AFF1: variants seen among roughly 807,000 people sequenced by gnomAD.
AFF1 encodes the protein ALF transcription elongation factor 1.
A neutral mutation model predicts 121.7 loss-of-function variants in AFF1; 48 were observed. That is an observed-to-expected ratio of 0.39 (90% CI 0.31 to 0.50). AFF1 has a LOEUF of 0.50. Ranked by LOEUF, AFF1 falls within the 20% of genes least tolerant of loss-of-function variation. AFF1 has a pLI of 0.76. For synonymous variants in AFF1, 613 were observed against 563.0 expected (o/e 1.09, Z -1.26); for missense variants, 1,523 against 1,511.7 (o/e 1.01, Z -0.12).
chr4:87,130,691 TCAG>T (rs1298463137), intron 16 of AFF1, among the ~76,000 whole-genome samples: 2 of 152,232 alleles, frequency 1.3e-5, no homozygotes, highest in Admixed American at 6.5e-5. Context: ...TTAATAAACT[TCAG>T]CACGCACAAA....
rs1729346745 is a variant in AFF1, at chr4:87,136,899, A to G, written c.*1198A>G. The G allele has an allele frequency of 9.0e-6, 2 of 221,258 alleles. No homozygotes were observed. The highest frequency in any genetic ancestry group is 1.2e-4 in the Admixed American group (2 of 17,362). The allele number at this position is 221,258 out of a possible 1,614,324, so 13.7% of individuals were successfully genotyped here. ...TTTGGGGTGGTTGATTAGACTTTTG[A>G]AAAACTCATCACCACATGCCTTCAC... On this transcript the variant is annotated 3_prime_UTR_variant, in exon 21 of 21. Transcript: ENST00000395146.
chr4:87,135,911 G>C lies in AFF1; in HGVS notation c.*210G>C, dbSNP rs1729264538. 1 of 730,124 alleles carries C rather than the reference G, an allele frequency of 1.4e-6. No homozygotes were observed. Among genetic ancestry groups the C allele is most frequent in the Non-Finnish European group, 2.0e-6 (1 of 509,302 alleles). The allele number at this position is 730,124 out of a possible 1,614,324, so 45.2% of individuals were successfully genotyped here. A position where few individuals can be genotyped will look rare whatever the true frequency, so the allele number is the denominator to read the frequency against. On this transcript the variant is annotated 3_prime_UTR_variant, in exon 21 of 21. Transcript: ENST00000395146. ...TGCAGAAGCAGAGATGAGGAGGCTG[G>C]CCCCAGAGATGATCTTGCCCTTCCT...
chr4:86,974,613 C>T (rs1355545475), intron 2 of AFF1, among the ~76,000 whole-genome samples: 1 of 152,124 alleles, frequency 6.6e-6, no homozygotes, highest in African/African-American at 2.4e-5. Flanking sequence ...AGGTATTAGA[C>T]AGGAAATGCC....
intron 15 of AFF1, among the ~76,000 whole-genome samples, chr4:87,127,368 G>A (rs1728385771): frequency 1.3e-5 from 2 of 151,942 alleles, no homozygotes; most frequent in Admixed American, 6.6e-5. Flanking sequence ...TCATCATGTT[G>A]GTCAGGCTGG....
chr4:87,089,723 A>G (rs1227410287), intron 5 of AFF1, among the ~76,000 whole-genome samples: 1 of 152,206 alleles, frequency 6.6e-6, no homozygotes, highest in African/African-American at 2.4e-5. Context: ...GATAATATTC[A>G]GGGTGTTAAA....
At chr4:87,040,365 A>G (rs1730009883) in intron 2 of AFF1, among the ~76,000 whole-genome samples, 1 of 152,096 alleles carries the variant, frequency 6.6e-6, no homozygotes, top group African/African-American at 2.4e-5. Flanking sequence ...TAAATTGTTG[A>G]TGTGTACCTT....
At chr4:87,116,978 T>C (rs1166810328) in intron 12 of AFF1, among the ~76,000 whole-genome samples, 1 of 152,154 alleles carries the variant, frequency 6.6e-6, no homozygotes, top group East Asian at 1.9e-4. Flanking sequence ...CTGGTAAATC[T>C]CTCACCTGTC....
At chr4:87,022,596 ATCTGTGTG>A (rs1309529055) in intron 2 of AFF1, among the ~76,000 whole-genome samples, 39 of 102,586 alleles carry the variant, frequency 3.8e-4, no homozygotes, top group East Asian at 9.5e-4. Context: ...ATCTATATCT[ATCTGTGTG>A]TATATATATC....
intron 2 of AFF1, among the ~76,000 whole-genome samples, chr4:87,031,860 A>T (rs1729119841): frequency 2.6e-5 from 4 of 152,238 alleles, no homozygotes; most frequent in Admixed American, 2.6e-4. Flanking sequence ...GACTCTAAAA[A>T]TTCTCAAGTG....
chr4:86,995,419 C>T (rs1560525608), intron 2 of AFF1, among the ~76,000 whole-genome samples: 1 of 150,714 alleles, frequency 6.6e-6, no homozygotes, highest in African/African-American at 2.4e-5. Flanking sequence ...CTGCCTGATT[C>T]TCCTGCCTCA....
chr4:87,093,559 A>G (rs1275182916), intron 7 of AFF1, among the ~76,000 whole-genome samples: 2 of 152,160 alleles, frequency 1.3e-5, no homozygotes, highest in Non-Finnish European at 2.9e-5. Flanking sequence ...TATGTCCACA[A>G]TTGCAAAACC....
At chr4:86,961,561 A>T (rs1222335246) in intron 2 of AFF1, among the ~76,000 whole-genome samples, 1 of 146,956 alleles carries the variant, frequency 6.8e-6, no homozygotes, top group Non-Finnish European at 1.5e-5. Context: ...ATTTCTTTGC[A>T]CTGGGGCATA....
chr4:87,127,220 G>A (rs1011966813), intron 15 of AFF1, 103 bp downstream of exon 15: 56 of 1,053,816 alleles, frequency 5.3e-5, no homozygotes, highest in African/African-American at 7.9e-5. Flanking sequence ...GAGTGTAGTG[G>A]CATGATCTTG....
Position 86,975,016 on chromosome 4 carries a change from C to A in AFF1, c.38+26445C>A, listed in dbSNP as rs141829039. On this transcript the variant is annotated intron_variant, in intron 2 of 20. Transcript: ENST00000395146. ...CTGCTTGAAAAACTCCCTAATAGAT[C>A]ATTATGCTCCCTAAAGAAAACTATT... Among the ~76,000 whole-genome samples, 38 of 152,276 alleles carry A rather than the reference C, an allele frequency of 2.5e-4. No homozygotes were observed. The East Asian group carries it at 6.9e-3, about 28-fold the overall frequency.
At chr4:86,952,887 A>T (rs1374607039) in intron 2 of AFF1, among the ~76,000 whole-genome samples, 1 of 144,252 alleles carries the variant, frequency 6.9e-6, no homozygotes, top group Non-Finnish European at 1.5e-5. Context: ...ATTTATTTTC[A>T]GTAGAGATGT....
At chr4:87,104,437 A>T (rs1725710766) in intron 8 of AFF1, among the ~76,000 whole-genome samples, 1 of 152,218 alleles carries the variant, frequency 6.6e-6, no homozygotes, top group African/African-American at 2.4e-5. Context: ...ATAAATATTG[A>T]GCAAGATCTA....
intron 2 of AFF1, among the ~76,000 whole-genome samples, chr4:87,036,030 C>T (rs893049086): frequency 3.3e-5 from 5 of 152,114 alleles, no homozygotes; most frequent in Non-Finnish European, 7.4e-5. Flanking sequence ...GATCCTAGTA[C>T]AGACCAGAAG....
chr4:87,046,841 T>A lies in AFF1; in HGVS notation c.306T>A (p.Ile102=). The change falls in exon 4 of 21, where the codon ATT becomes ATA. Residue 102 remains isoleucine, a synonymous_variant. Transcript: ENST00000395146. ...TGGGAAAGCCGAAATATCCTTTAAT[T>A]CCTGACAAAGGGAGCAGCATTCCAT... ...NRLGKPKYPL[I]PDKGSSIPSS... 3 of 1,614,194 alleles carry A rather than the reference T, an allele frequency of 1.9e-6. No homozygotes were observed. The highest frequency in any genetic ancestry group is 2.5e-6 in the Non-Finnish European group (3 of 1,180,038).
chr4:87,016,369 T>C (rs1237579553), intron 2 of AFF1, among the ~76,000 whole-genome samples: 1 of 151,686 alleles, frequency 6.6e-6, no homozygotes. Flanking sequence ...ACTAACACAG[T>C]GAAACCCCGT....
Sources: allele counts gnomAD v4.1 joint callset (sites outside exome capture counted in the v4.1 genomes callset), GRCh38; gene constraint gnomAD v4.1.1; transcripts MANE v1.5; gene names NCBI Gene and HGNC (gene_info 2026-07-23, HGNC 2026-07-21).